Variants in HDAC4 observed in about 807,000 individuals in gnomAD.
HDAC4 encodes the protein histone deacetylase A.
A neutral mutation model predicts 135.1 loss-of-function variants in HDAC4; 16 were observed. That is an observed-to-expected ratio of 0.12 (90% CI 0.08 to 0.18). The LOEUF is 0.18. Among genes scored for constraint, HDAC4 ranks in the 10% least tolerant of loss-of-function variants. The pLI is 1.00. For missense variants in HDAC4, 1,143 were observed against 1,511.8 expected (o/e 0.76, Z 4.05); for synonymous variants, 685 against 653.4 (o/e 1.05, Z -0.74).
intron 1 of HDAC4, among the ~76,000 whole-genome samples, chr2:239,383,933 G>A (rs910799769): frequency 1.3e-5 from 2 of 152,252 alleles, no homozygotes; most frequent in Non-Finnish European, 2.9e-5. Context: ...AGAGCCACTG[G>A]AGGGCAGGGC....
chr2:239,149,947 C>T (rs1351211160), intron 7 of HDAC4, among the ~76,000 whole-genome samples: 3 of 152,134 alleles, frequency 2.0e-5, no homozygotes, highest in African/African-American at 7.2e-5. Context: ...ACCAGCAGCT[C>T]CATTTTCAGG....
chr2:239,260,779 T>C (rs2049315601), intron 2 of HDAC4, among the ~76,000 whole-genome samples: 1 of 152,210 alleles, frequency 6.6e-6, no homozygotes, highest in Non-Finnish European at 1.5e-5. Context: ...GCCCGAGCGC[T>C]GCCTCTCTTT....
rs894448769 is a variant in HDAC4, at chr2:239,388,450, C to T, written c.-220+12528G>A. Among the ~76,000 whole-genome samples the T allele has an allele frequency of 1.8e-4, 28 of 152,246 alleles. 1 individual carries two copies. Among genetic ancestry groups the T allele is most frequent in the South Asian group, 2.1e-4 (1 of 4,838 alleles). On this transcript the variant is annotated intron_variant, in intron 1 of 26. Coordinates refer to ENST00000543185, the MANE Select transcript of HDAC4 (RefSeq NM_001378414.1). ...ACGTTTGCATCGGCCTTCTCAGGCA[C>T]CTGCCCACCTCTGCATGGGACAGAT...
chr2:239,346,986 C>T (rs925498697), intron 2 of HDAC4, among the ~76,000 whole-genome samples: 1 of 151,346 alleles, frequency 6.6e-6, no homozygotes, highest in Non-Finnish European at 1.5e-5. Context: ...CTAACACACA[C>T]ACCCTGTCTA....
intron 2 of HDAC4, among the ~76,000 whole-genome samples, chr2:239,269,754 A>T (rs1005132687): frequency 4.6e-5 from 7 of 152,186 alleles, no homozygotes; most frequent in African/African-American, 1.7e-4. Flanking sequence ...AGGGAAGATG[A>T]CTCAAGTCAT....
intron 2 of HDAC4, among the ~76,000 whole-genome samples, chr2:239,263,099 C>T (rs1055776323): frequency 1.3e-5 from 2 of 152,224 alleles, no homozygotes; most frequent in Non-Finnish European, 2.9e-5. Flanking sequence ...GTGACACAGG[C>T]ACATACACAC....
rs201947968 is a variant in HDAC4 at position 239,139,258 on chromosome 2, T to C, written c.978+426A>G. 6.6e-6 allele frequency among the ~76,000 whole-genome samples: 1 copy of C among 152,126 alleles called. No homozygotes were observed. Among genetic ancestry groups the C allele is most frequent in the East Asian group, 1.9e-4 (1 of 5,184 alleles). On this transcript the variant is annotated intron_variant, in intron 9 of 26. Transcript: ENST00000543185. The surrounding 1 kb of genome is among the most constrained non-coding windows in gnomAD (Gnocchi z 5.3). ...TCAATACAAAATAAAAAATGTTAAG[T>C]CTCACTTAGCAACTATACCCACGTG...
intron 4 of HDAC4, among the ~76,000 whole-genome samples, chr2:239,181,652 C>A (rs1475656969): frequency 6.6e-6 from 1 of 152,244 alleles, no homozygotes; most frequent in Non-Finnish European, 1.5e-5. Context: ...CCATAGCACG[C>A]TGGCTGGAGG....
At chr2:239,176,605 C>CCA (rs753166195) in intron 4 of HDAC4, 42 bp from the exon 5 acceptor site, 11 of 1,584,422 alleles carry the variant, frequency 6.9e-6, no homozygotes, top group South Asian at 1.1e-5. Context: ...AGCCCAGGCT[C>CCA]CACACACACA....
At chr2:239,118,308 T>G (rs1300335578) in intron 12 of HDAC4, among the ~76,000 whole-genome samples, 2 of 152,216 alleles carry the variant, frequency 1.3e-5, no homozygotes, top group Non-Finnish European at 2.9e-5. Flanking sequence ...CGAAGGCAGC[T>G]TTTCTTCAGA....
At chr2:239,260,128 A>C (rs1000015351) in intron 2 of HDAC4, among the ~76,000 whole-genome samples, 1 of 152,216 alleles carries the variant, frequency 6.6e-6, no homozygotes, top group African/African-American at 2.4e-5. Flanking sequence ...GTTCAGCTGA[A>C]AGACAGAGGT....
At chr2:239,263,759 C>G (rs1222934348) in intron 2 of HDAC4, among the ~76,000 whole-genome samples, 1 of 152,228 alleles carries the variant, frequency 6.6e-6, no homozygotes, top group African/African-American at 2.4e-5. Context: ...GACGGGGGGA[C>G]AGAGCCCAGT....
At chr2:239,154,133 T>C (rs989434421) in intron 7 of HDAC4, among the ~76,000 whole-genome samples, 6 of 152,194 alleles carry the variant, frequency 3.9e-5, no homozygotes, top group African/African-American at 1.4e-4. Context: ...CTCTGGGGCC[T>C]GATGGGATGG....
chr2:239,352,224 A>T lies in HDAC4; in HGVS notation c.22+454T>A, dbSNP rs1206761414. 2.6e-5 allele frequency among the ~76,000 whole-genome samples: 4 copies of T among 151,822 alleles called. No homozygotes were observed. Among genetic ancestry groups the T allele is most frequent in the Non-Finnish European group, 5.9e-5 (4 of 67,926 alleles). Reference sequence around the variant, plus strand: ...CAGCCCCTCACAGAGGCCCTCAAACACCAGGAGCAACTGTGGCCACGACCT... The same window carrying T: ...CAGCCCCTCACAGAGGCCCTCAAACTCCAGGAGCAACTGTGGCCACGACCT... On this transcript the variant is annotated intron_variant, in intron 2 of 26. Transcript: ENST00000543185. This position sits in a 1 kb window ranked among gnomAD's most constrained non-coding sequence, Gnocchi z 4.4.
At chr2:239,163,732 TCTAC>T in intron 6 of HDAC4, 67 bp downstream of exon 6, 1 of 1,513,186 alleles carries the variant, frequency 6.6e-7, no homozygotes, top group Non-Finnish European at 9.2e-7. Context: ...TCCATGCAAA[TCTAC>T]CGGCGATCAG....
chr2:239,180,688 G>T (rs760144471), intron 4 of HDAC4, among the ~76,000 whole-genome samples: 1 of 152,238 alleles, frequency 6.6e-6, no homozygotes, highest in Non-Finnish European at 1.5e-5. Flanking sequence ...GGCGCTGGCA[G>T]TGAACAAGCA....
intron 1 of HDAC4, among the ~76,000 whole-genome samples, chr2:239,357,662 T>C (rs1015039539): frequency 4.0e-5 from 6 of 151,358 alleles, no homozygotes; most frequent in East Asian, 1.9e-4. Flanking sequence ...GGTGGGGGGA[T>C]TGCTTGAGCT....
At chr2:239,302,612 C>A (rs1022762455) in intron 2 of HDAC4, among the ~76,000 whole-genome samples, 1 of 152,254 alleles carries the variant, frequency 6.6e-6, no homozygotes, top group African/African-American at 2.4e-5. Context: ...AGCAGCCCAG[C>A]CATCCAGTGA....
At chr2:239,374,107 C>T (rs35712551) in intron 1 of HDAC4, among the ~76,000 whole-genome samples, 16,575 of 152,206 alleles carry the variant, frequency 0.11, 1,054 homozygotes, top group Middle Eastern at 0.16. Context: ...CTATGGCGTC[C>T]GCAGAACAGG....
Sources: allele counts gnomAD v4.1 joint callset (sites outside exome capture counted in the v4.1 genomes callset), GRCh38; gene constraint gnomAD v4.1.1; non-coding constraint Gnocchi (gnomAD v3.1); transcripts MANE v1.5; gene names NCBI Gene and HGNC (gene_info 2026-07-23, HGNC 2026-07-21).